Variants in HCN1 observed in about 807,000 individuals in gnomAD.
HCN1 encodes the protein potassium/sodium hyperpolarization-activated cyclic nucleotide-gated channel 1.
In HCN1, 13 loss-of-function variants were observed where a neutral mutation model predicts 78.9. That is an observed-to-expected ratio of 0.16 (90% CI 0.11 to 0.26). HCN1 has a LOEUF of 0.26. Ranked by LOEUF, HCN1 falls within the 10% of genes least tolerant of loss-of-function variation. The pLI is 1.00. For synonymous variants in HCN1, 552 were observed against 455.5 expected, an observed-to-expected ratio of 1.21 and a Z score of -2.70; for missense variants, 810 against 1,154.3, an observed-to-expected ratio of 0.70 and a Z score of 4.32.
intron 4 of HCN1, among the ~76,000 whole-genome samples, chr5:45,389,775 A>G (rs1748002771): frequency 1.3e-5 from 2 of 152,136 alleles, no homozygotes; most frequent in South Asian, 4.1e-4. Context: ...ATTTGTATTA[A>G]TGATTCCATC....
At chr5:45,620,035 C>G (rs1745026151) in intron 2 of HCN1, among the ~76,000 whole-genome samples, 1 of 151,970 alleles carries the variant, frequency 6.6e-6, no homozygotes, top group African/African-American at 2.4e-5. Flanking sequence ...TAGTTAGATA[C>G]AATGAGAAGA....
chr5:45,442,674 T>C (rs1029597764), intron 3 of HCN1, among the ~76,000 whole-genome samples: 9 of 150,788 alleles, frequency 6.0e-5, no homozygotes, highest in African/African-American at 2.2e-4. Flanking sequence ...ACTCTAGGTA[T>C]CATTAGGCAT....
chr5:45,593,334 T>TCACA (rs1240973872), intron 2 of HCN1, among the ~76,000 whole-genome samples: 4 of 125,652 alleles, frequency 3.2e-5, no homozygotes, highest in African/African-American at 1.2e-4. Context: ...TCTCTCTCTC[T>TCACA]CTCTCTCACA....
At chr5:45,539,960 A>ATATATATATATAT (rs1743064622) in intron 2 of HCN1, among the ~76,000 whole-genome samples, 1 of 124,040 alleles carries the variant, frequency 8.1e-6, no homozygotes, top group African/African-American at 3.0e-5. Context: ...ATATATATAT[A>ATATATATATATAT]AAATGTTTAT....
chr5:45,262,226 G>A lies in HCN1; in HGVS notation c.2368C>T (p.Gln790Ter). The change falls in exon 8 of 8, where the codon CAG becomes TAG. Residue 790 changes from glutamine to a stop codon, truncating the protein, a stop_gained. Transcript: ENST00000303230. LOFTEE classifies it high-confidence loss of function. ...TREVRPLSAS[Q>*]PSLPHEVSTL... Reference sequence around the variant, plus strand: ...GACACCTCATGGGGCAGCGAGGGCTGCGAGGCGGAGAGTGGCCTGACTTCC... The same window carrying A: ...GACACCTCATGGGGCAGCGAGGGCTACGAGGCGGAGAGTGGCCTGACTTCC... 6.2e-7 allele frequency: 1 copy of A among 1,614,056 alleles called. No homozygotes were observed. Among genetic ancestry groups the A allele is most frequent in the Non-Finnish European group, 8.5e-7 (1 of 1,180,036 alleles).
At position 45,567,911 on chromosome 5, in the gene HCN1, T is replaced by TAC. The variant is rs10601970; in HGVS notation, c.849+77272_849+77273dup. Reference sequence around the variant, plus strand: ...CTCTATCTTACTTTCATATGTGAAGTACACACACACACACACACACACACA... The same window carrying TAC: ...CTCTATCTTACTTTCATATGTGAAGTACACACACACACACACACACACACACA... On this transcript the variant is annotated intron_variant, in intron 2 of 7. Transcript: ENST00000303230. Among the ~76,000 whole-genome samples, 1,089 of 144,682 alleles carry TAC rather than the reference T, an allele frequency of 7.5e-3. 5 individuals carry two copies. The highest frequency in any genetic ancestry group is 9.9e-3 in the Non-Finnish European group (648 of 65,664). 94.9% of individuals were successfully genotyped at this position (144,682 alleles called of 152,430 possible).
intron 4 of HCN1, among the ~76,000 whole-genome samples, chr5:45,369,021 T>A (rs1232857352): frequency 6.6e-6 from 1 of 151,890 alleles, no homozygotes; most frequent in Non-Finnish European, 1.5e-5. Flanking sequence ...AAATCACTGA[T>A]CTGTTTTGTT....
intron 2 of HCN1, among the ~76,000 whole-genome samples, chr5:45,549,243 A>C (rs1743303257): frequency 6.6e-6 from 1 of 152,166 alleles, no homozygotes; most frequent in Non-Finnish European, 1.5e-5. Flanking sequence ...CTGACTTCAA[A>C]CTATACTACA....
chr5:45,621,967 A>G (rs891850802), intron 2 of HCN1, among the ~76,000 whole-genome samples: 2 of 152,152 alleles, frequency 1.3e-5, no homozygotes, highest in African/African-American at 4.8e-5. Flanking sequence ...CTTAAGATTA[A>G]TTCTTTTTCT....
At chr5:45,365,661 G>T (rs1396163490) in intron 4 of HCN1, among the ~76,000 whole-genome samples, 4 of 151,842 alleles carry the variant, frequency 2.6e-5, no homozygotes, top group Admixed American at 1.3e-4. Flanking sequence ...ATGAGTGCAG[G>T]TGTCTTTTTT....
chr5:45,689,918 T>G (rs999269225), intron 1 of HCN1, among the ~76,000 whole-genome samples: 1 of 152,096 alleles, frequency 6.6e-6, no homozygotes, highest in African/African-American at 2.4e-5. Context: ...ATGTCAACCT[T>G]GGAGAACCTA....
intron 2 of HCN1, among the ~76,000 whole-genome samples, chr5:45,563,288 A>G (rs1379719675): frequency 2.0e-5 from 3 of 151,950 alleles, no homozygotes; most frequent in Non-Finnish European, 2.9e-5. Context: ...CGTCTCCACT[A>G]AAATTACAAA....
chr5:45,648,597 A>G (rs980980272), intron 1 of HCN1, among the ~76,000 whole-genome samples: 1 of 152,154 alleles, frequency 6.6e-6, no homozygotes, highest in Non-Finnish European at 1.5e-5. Context: ...CCTTCTTTAA[A>G]AAAAGTAAAT....
intron 3 of HCN1, among the ~76,000 whole-genome samples, chr5:45,423,456 T>A (rs1024254906): frequency 2.6e-5 from 4 of 152,162 alleles, no homozygotes; most frequent in African/African-American, 9.7e-5. Flanking sequence ...CTGTAGTCAA[T>A]CTCCTAACTC....
intron 2 of HCN1, among the ~76,000 whole-genome samples, chr5:45,479,761 AT>A (rs1311057348): frequency 6.6e-6 from 1 of 152,234 alleles, no homozygotes; most frequent in African/African-American, 2.4e-5. Context: ...AGCTTAACCC[AT>A]TGGAAATATC....
At chr5:45,361,790 T>A (rs914637244) in intron 4 of HCN1, among the ~76,000 whole-genome samples, 2 of 152,322 alleles carry the variant, frequency 1.3e-5, no homozygotes, top group East Asian at 1.9e-4. Flanking sequence ...ATTATTATTA[T>A]GTTTTTATTT....
intron 3 of HCN1, among the ~76,000 whole-genome samples, chr5:45,409,799 A>T (rs865909198): frequency 8.6e-5 from 13 of 151,986 alleles, no homozygotes; most frequent in African/African-American, 3.1e-4. Context: ...TTTTATAAGT[A>T]CACTGAATTT....
At chr5:45,430,897 G>A (rs1013826915) in intron 3 of HCN1, among the ~76,000 whole-genome samples, 1 of 152,122 alleles carries the variant, frequency 6.6e-6, no homozygotes, top group African/African-American at 2.4e-5. Flanking sequence ...GAATAGTGCT[G>A]CAATGAATAT....
intron 6 of HCN1, among the ~76,000 whole-genome samples, chr5:45,272,178 A>G (rs1394019184): frequency 6.6e-6 from 1 of 152,070 alleles, no homozygotes; most frequent in Admixed American, 6.6e-5. Context: ...TATTTTGAAA[A>G]TCTACTTATT....
Sources: gnomAD v4.1 joint callset for allele counts (sites outside exome capture counted in the v4.1 genomes callset) on GRCh38, gnomAD v4.1.1 for gene constraint, MANE v1.5 for transcripts, NCBI Gene and HGNC (gene_info 2026-07-23, HGNC 2026-07-21) for gene names.